Variants in EPHA6 observed in about 807,000 individuals in gnomAD.
EPHA6 encodes the protein EPH receptor A6.
Under a neutral mutation model 112.0 loss-of-function variants are expected in EPHA6, and 50 were observed. That is an observed-to-expected ratio of 0.45 (90% CI 0.36 to 0.56). EPHA6 has a LOEUF of 0.56. Ranked by LOEUF, EPHA6 falls within the 20% of genes least tolerant of loss-of-function variation. EPHA6 has a pLI of 0.00. For missense variants in EPHA6, 1,280 were observed against 1,417.4 expected, an observed-to-expected ratio of 0.90 and a Z score of 1.56; for synonymous variants, 529 against 490.7, an observed-to-expected ratio of 1.08 and a Z score of -1.03.
intron 6 of EPHA6, among the ~76,000 whole-genome samples, chr3:97,444,708 G>A (rs2090267203): frequency 6.6e-6 from 1 of 152,090 alleles, no homozygotes; most frequent in Non-Finnish European, 1.5e-5. Flanking sequence ...TGTTATCTCT[G>A]ACTGTAGAAA....
intron 1 of EPHA6, among the ~76,000 whole-genome samples, chr3:96,820,225 T>G (rs1035081580): frequency 6.6e-6 from 1 of 152,110 alleles, no homozygotes; most frequent in Non-Finnish European, 1.5e-5. Context: ...CAGAGTAGAA[T>G]AAGATTCATG....
In EPHA6 at chr3:96,843,668, G is replaced by A. The variant is rs138686619; in HGVS notation, c.386-23157G>A. 2.3e-3 allele frequency among the ~76,000 whole-genome samples: 348 copies of A among 152,098 alleles called. 3 individuals carry two copies. Among genetic ancestry groups the A allele is most frequent in the African/African-American group, 7.1e-3 (296 of 41,526 alleles). ...TAAAAGGATCGTGTTGGAGCGAGGA[G>A]CAAGGAATGTTGTAAGTAAAATTAT... On this transcript the variant is annotated intron_variant, in intron 1 of 17. Transcript: ENST00000389672.
At chr3:96,984,093 C>T (rs372060487) in intron 2 of EPHA6, among the ~76,000 whole-genome samples, 5 of 152,270 alleles carry the variant, frequency 3.3e-5, no homozygotes, top group South Asian at 2.1e-4. Flanking sequence ...CCGTTGCTGG[C>T]GAGGAACTGC....
chr3:97,323,742 GA>G lies in EPHA6; in HGVS notation c.1606+79459del, dbSNP rs536378779. ...ACTTTAAGCAGAATAAAACTGGAAAGAAAATAAAATCTTCCCCACAATAGCG... is the reference window on the plus strand; with the variant it reads ...ACTTTAAGCAGAATAAAACTGGAAAGAAATAAAATCTTCCCCACAATAGCG... On this transcript the variant is annotated intron_variant, in intron 5 of 17. Coordinates refer to ENST00000389672, the MANE Select transcript of EPHA6 (RefSeq NM_001080448.3). Among the ~76,000 whole-genome samples, 4 of 151,876 alleles carry G rather than the reference GA, an allele frequency of 2.6e-5. No individual in the cohort carries two copies. In the East Asian group the frequency reaches 7.8e-4, roughly 29 times the overall value.
At chr3:97,472,682 T>C (rs1560044421) in intron 7 of EPHA6, among the ~76,000 whole-genome samples, 1 of 151,832 alleles carries the variant, frequency 6.6e-6, no homozygotes, top group African/African-American at 2.4e-5. Flanking sequence ...CACTATTTTG[T>C]TGCAGCCTGC....
intron 14 of EPHA6, among the ~76,000 whole-genome samples, chr3:97,666,165 G>T (rs759831862): frequency 2.6e-5 from 4 of 151,790 alleles, no homozygotes; most frequent in Non-Finnish European, 5.9e-5. Flanking sequence ...CCTTGTTTCC[G>T]ATTCTGTTTC....
chr3:97,192,769 C>T lies in EPHA6; in HGVS notation c.1115-33495C>T, dbSNP rs112723713. 3.6e-3 allele frequency among the ~76,000 whole-genome samples: 545 copies of T among 152,184 alleles called. 2 individuals are homozygous for T. The highest frequency in any genetic ancestry group is 0.011 in the African/African-American group (468 of 41,550). On this transcript the variant is annotated intron_variant, in intron 3 of 17. Coordinates refer to ENST00000389672, the MANE Select transcript of EPHA6 (RefSeq NM_001080448.3). ...TTCATAGTTTCAGATCTTAGATTTA[C>T]GTTTTTAATCAATCTTTATTTGATT... is the stretch of plus-strand genomic sequence containing the variant.
chr3:96,931,821 G>T (rs1261589864), intron 2 of EPHA6, among the ~76,000 whole-genome samples: 1 of 152,144 alleles, frequency 6.6e-6, no homozygotes. Flanking sequence ...TGGCTCCCTG[G>T]ATTCAGCCCG....
At chr3:97,265,785 G>A (rs951571774) in intron 5 of EPHA6, among the ~76,000 whole-genome samples, 1 of 152,226 alleles carries the variant, frequency 6.6e-6, no homozygotes, top group African/African-American at 2.4e-5. Context: ...ACCACCGCTT[G>A]TGCCTTCCTG....
At chr3:96,847,386 T>C (rs2035132343) in intron 1 of EPHA6, among the ~76,000 whole-genome samples, 1 of 137,870 alleles carries the variant, frequency 7.3e-6, no homozygotes, top group African/African-American at 3.3e-5. Context: ...GACTGACACG[T>C]TCATTTTTTT....
intron 3 of EPHA6, among the ~76,000 whole-genome samples, chr3:97,096,528 T>C (rs916376329): frequency 7.2e-5 from 11 of 151,938 alleles, no homozygotes; most frequent in South Asian, 4.1e-4. Flanking sequence ...TCATGCCTTA[T>C]GACTTTTCTA....
chr3:97,371,832 G>T (rs1387394924), intron 5 of EPHA6, among the ~76,000 whole-genome samples: 1 of 152,108 alleles, frequency 6.6e-6, no homozygotes, highest in Non-Finnish European at 1.5e-5. Flanking sequence ...CTGCTCTGGG[G>T]ACGTCTGTCT....
chr3:97,291,981 C>T (rs978362224), intron 5 of EPHA6, among the ~76,000 whole-genome samples: 1 of 152,228 alleles, frequency 6.6e-6, no homozygotes, highest in Admixed American at 6.5e-5. Context: ...GCAAGCCAGG[C>T]ACGGAGCAGT....
intron 11 of EPHA6, among the ~76,000 whole-genome samples, chr3:97,533,786 A>T (rs1397192788): frequency 2.0e-5 from 3 of 152,098 alleles, no homozygotes; most frequent in Admixed American, 6.6e-5. Flanking sequence ...TACTCCAAAG[A>T]AGAGAACTGA....
intron 3 of EPHA6, among the ~76,000 whole-genome samples, chr3:97,009,718 C>T (rs866686369): frequency 1.3e-5 from 2 of 152,220 alleles, no homozygotes; most frequent in African/African-American, 2.4e-5. Flanking sequence ...AGCTACGCCC[C>T]GGTGTCATGG....
intron 3 of EPHA6, among the ~76,000 whole-genome samples, chr3:97,184,713 A>T (rs2077076987): frequency 6.6e-6 from 1 of 152,178 alleles, no homozygotes; most frequent in African/African-American, 2.4e-5. Flanking sequence ...GGAAAAAACT[A>T]CTTTAAAGTT....
intron 10 of EPHA6, among the ~76,000 whole-genome samples, chr3:97,486,268 CA>C (rs1212197594): frequency 6.6e-6 from 1 of 152,086 alleles, no homozygotes; most frequent in Non-Finnish European, 1.5e-5. Flanking sequence ...TTTCAGCTTT[CA>C]AACAATATGC....
chr3:97,060,509 A>G (rs961685944), intron 3 of EPHA6, among the ~76,000 whole-genome samples: 3 of 152,240 alleles, frequency 2.0e-5, no homozygotes, highest in African/African-American at 4.8e-5. Context: ...AATGACCCAA[A>G]TATCAGCTGA....
At position 97,479,272 on chromosome 3, in the gene EPHA6, T is replaced by C. The variant is rs900400315; in HGVS notation, c.2004-22T>C. ...GCATCATACTTCTTAAAACAAGTTT[T>C]TTTTTTTAATCTTTTTAAAAGATGT... is the stretch of plus-strand genomic sequence containing the variant. On this transcript the variant is annotated intron_variant, in intron 8 of 17. Coordinates refer to ENST00000389672, the MANE Select transcript of EPHA6 (RefSeq NM_001080448.3). 4 of 1,530,364 alleles carry C rather than the reference T, an allele frequency of 2.6e-6. No homozygotes were observed. The Admixed American group carries it at 6.4e-5, about 24-fold the overall frequency. The allele number at this position is 1,530,364 out of a possible 1,614,324, so 94.8% of individuals were successfully genotyped here.
Sources: gnomAD v4.1 joint callset for allele counts (sites outside exome capture counted in the v4.1 genomes callset) on GRCh38, gnomAD v4.1.1 for gene constraint, MANE v1.5 for transcripts, NCBI Gene and HGNC (gene_info 2026-07-23, HGNC 2026-07-21) for gene names.